TPD52: variants seen among roughly 807,000 people sequenced by gnomAD.
TPD52 encodes the protein tumor protein D52.
Under a neutral mutation model 31.3 loss-of-function variants are expected in TPD52, and 17 were observed. The ratio of observed to expected loss-of-function variants is 0.54; its 90% CI spans 0.37 to 0.82. The LOEUF is 0.82. Ranked by LOEUF, TPD52 falls within the 40% of genes least tolerant of loss-of-function variation. The pLI is 0.00. For missense variants in TPD52, 212 were observed against 240.1 expected, an observed-to-expected ratio of 0.88 and a Z score of 0.77; for synonymous variants, 83 against 89.6, an observed-to-expected ratio of 0.93 and a Z score of 0.42.
chr8:80,066,602 C>T (rs1194057104), intron 1 of TPD52, among the ~76,000 whole-genome samples: 2 of 152,084 alleles, frequency 1.3e-5, no homozygotes, highest in Admixed American at 6.5e-5. Context: ...TTGGTGATTC[C>T]TTACTGTTTT....
intron 1 of TPD52, among the ~76,000 whole-genome samples, chr8:80,104,551 C>A (rs1806966241): frequency 6.6e-6 from 1 of 150,612 alleles, no homozygotes; most frequent in Non-Finnish European, 1.5e-5. Flanking sequence ...CAGAGCAAGA[C>A]CCCATCTCTA....
chr8:80,161,521 T>A (rs1273582072), intron 1 of TPD52, among the ~76,000 whole-genome samples: 6 of 152,120 alleles, frequency 3.9e-5, no homozygotes, highest in African/African-American at 1.4e-4. Flanking sequence ...CCTATTCTAG[T>A]GACACTATTT....
chr8:80,148,317 A>AGTGT (rs34231994), intron 1 of TPD52, among the ~76,000 whole-genome samples: 5,030 of 143,948 alleles, frequency 0.035, 117 homozygotes, highest in African/African-American at 0.071. Context: ...TTCCTGGCTA[A>AGTGT]GTGTGTGTGT....
Position 80,171,335 on chromosome 8 carries a change from C to T in TPD52, c.19+90G>A, listed in dbSNP as rs746351186. 40 of 1,540,084 alleles carry T rather than the reference C, an allele frequency of 2.6e-5. No homozygotes were observed. In the Middle Eastern group the frequency reaches 8.5e-4, roughly 33 times the overall value. The stretch of plus-strand genomic sequence containing the variant: ...GAGGCTCGGCACCTGCTCGAGCCGC[C>T]GGGCCGCGCTCAGCCCCGCGCCGAG... On this transcript the variant is annotated intron_variant, in intron 1 of 7. Coordinates refer to ENST00000518937, the MANE Select transcript of TPD52 (RefSeq NM_001025253.3).
chr8:80,050,400 C>G (rs536378758), intron 5 of TPD52, 45 bp downstream of exon 5: 6 of 1,576,606 alleles, frequency 3.8e-6, no homozygotes, highest in Non-Finnish European at 5.2e-6. Context: ...GCACACTTTT[C>G]TTATACAACT....
chr8:80,095,669 G>A (rs536882367), intron 1 of TPD52, among the ~76,000 whole-genome samples: 5 of 149,568 alleles, frequency 3.3e-5, no homozygotes, highest in South Asian at 2.2e-4. Context: ...AGACTAGGCC[G>A]GGTGCGGTGG....
At chr8:80,052,625 C>G (rs774247660) in intron 3 of TPD52, 2 of 1,288,512 alleles carry the variant, frequency 1.6e-6, no homozygotes, top group Non-Finnish European at 1.0e-6. Flanking sequence ...AGATGGCTCT[C>G]AATACAGAAG....
intron 5 of TPD52, among the ~76,000 whole-genome samples, chr8:80,049,752 A>G (rs1422029621): frequency 2.0e-5 from 3 of 152,200 alleles, no homozygotes; most frequent in Non-Finnish European, 4.4e-5. Context: ...GTCTCTTTCT[A>G]TAAGGCATGG....
chr8:80,106,521 T>G (rs920445843), intron 1 of TPD52, among the ~76,000 whole-genome samples: 3 of 151,918 alleles, frequency 2.0e-5, no homozygotes, highest in Non-Finnish European at 4.4e-5. Flanking sequence ...CACACCCGGC[T>G]AATTTTTTGT....
chr8:80,080,301 A>C, intron 1 of TPD52: 1 of 1,613,200 alleles, frequency 6.2e-7, no homozygotes, highest in Non-Finnish European at 8.5e-7. Context: ...TAACTTTACA[A>C]AATTAGTAGT....
intron 1 of TPD52, among the ~76,000 whole-genome samples, chr8:80,144,140 A>G (rs996198014): frequency 3.9e-5 from 6 of 152,240 alleles, no homozygotes; most frequent in Non-Finnish European, 8.8e-5. Flanking sequence ...TTCAAATGAA[A>G]GTAATCTCTG....
At chr8:80,074,972 G>A (rs1295564586) in intron 1 of TPD52, among the ~76,000 whole-genome samples, 2 of 151,992 alleles carry the variant, frequency 1.3e-5, no homozygotes, top group African/African-American at 2.4e-5. Flanking sequence ...CAATGTCTGG[G>A]TTATTTTTTA....
At chr8:80,113,132 A>T (rs183819070) in intron 1 of TPD52, among the ~76,000 whole-genome samples, 5 of 152,302 alleles carry the variant, frequency 3.3e-5, no homozygotes, top group Admixed American at 3.3e-4. Flanking sequence ...AAATTTTCAG[A>T]TTAGGGATGC....
In TPD52 at chr8:80,053,365, G is replaced by C; in HGVS notation, c.201C>G (p.Ile67Met). Residue 67 changes from isoleucine (I) to methionine (M), a missense_variant, in exon 3 of 8, where the codon ATC becomes ATG. Ile to Met is a conservative substitution (Grantham distance 10, BLOSUM62 1). Coordinates refer to ENST00000518937, the MANE Select transcript of TPD52 (RefSeq NM_001025253.3). The part of the protein sequence containing the change: ...LAAKEKHLAE[I>M]KRKLGINSLQ... ...GAGAATTGATTCCAAGTTTCCGCTTGATCTCTGCTAGATGCTTCTCTTTTG... is the reference window on the plus strand; with the variant it reads ...GAGAATTGATTCCAAGTTTCCGCTTCATCTCTGCTAGATGCTTCTCTTTTG... 6.2e-7 allele frequency: 1 copy of C among 1,613,756 alleles called. No homozygotes were observed.
chr8:80,122,453 A>G (rs1181764080), intron 1 of TPD52, among the ~76,000 whole-genome samples: 1 of 152,208 alleles, frequency 6.6e-6, no homozygotes, highest in African/African-American at 2.4e-5. Flanking sequence ...ATGACCCCAT[A>G]TGATAATCAG....
At chr8:80,139,651 G>C (rs928254953) in intron 1 of TPD52, among the ~76,000 whole-genome samples, 13 of 152,140 alleles carry the variant, frequency 8.5e-5, no homozygotes, top group African/African-American at 3.1e-4. Flanking sequence ...GGTGAGGGCG[G>C]GGAAGGGGTT....
intron 1 of TPD52, among the ~76,000 whole-genome samples, chr8:80,081,158 T>C (rs914526483): frequency 9.5e-4 from 51 of 53,938 alleles, no homozygotes; most frequent in Admixed American, 2.9e-3. Context: ...TTCTCTCTCT[T>C]TTTTTTTTTT....
At chr8:80,135,433 C>T (rs570587670) in intron 1 of TPD52, among the ~76,000 whole-genome samples, 278 of 152,150 alleles carry the variant, frequency 1.8e-3, no homozygotes, top group African/African-American at 6.1e-3. Context: ...CCTACCTGCC[C>T]CCCAGGAGAG....
intron 1 of TPD52, among the ~76,000 whole-genome samples, chr8:80,160,435 T>C (rs1811268985): frequency 6.6e-6 from 1 of 152,166 alleles, no homozygotes; most frequent in South Asian, 2.1e-4. Context: ...AAAGGCCATG[T>C]GGTATCATCG....
Sources: gnomAD v4.1 joint callset for allele counts (sites outside exome capture counted in the v4.1 genomes callset) on GRCh38, gnomAD v4.1.1 for gene constraint, MANE v1.5 for transcripts, NCBI Gene and HGNC (gene_info 2026-07-23, HGNC 2026-07-21) for gene names.